Variants in ZNF567 observed in about 807,000 individuals in gnomAD.
ZNF567 encodes zinc finger protein 567.
In ZNF567, 36 loss-of-function variants were observed where a neutral mutation model predicts 53.9. The ratio of observed to expected loss-of-function variants is 0.67; its 90% CI spans 0.51 to 0.88. The LOEUF (loss-of-function observed/expected upper bound fraction) is 0.88, where lower values mean the gene tolerates loss of function less well. Ranked by LOEUF, ZNF567 falls within the 40% of genes least tolerant of loss-of-function variation. ZNF567 has a pLI of 0.00. For missense variants in ZNF567, 619 were observed against 764.7 expected, an observed-to-expected ratio of 0.81 and a Z score of 2.25; for synonymous variants, 224 against 260.4, an observed-to-expected ratio of 0.86 and a Z score of 1.35.
At chr19:36,673,069 T>TA in the ZNF567 span, among the ~76,000 whole-genome samples, 1 of 140,712 alleles carries the variant, frequency 7.1e-6, no homozygotes, top group African/African-American at 3.3e-5. Flanking sequence ...GACTTTATAT[T>TA]AGAGTATTTA....
At chr19:36,712,629 T>G in intron 4 of ZNF567, 117 bp downstream of exon 4, 1 of 1,470,690 alleles carries the variant, frequency 6.8e-7, no homozygotes, top group South Asian at 1.2e-5. Flanking sequence ...GTTAGCAGAA[T>G]GAATGATTGT....
downstream of ZNF567, among the ~76,000 whole-genome samples, chr19:36,722,932 TTAA>T (rs1414991569): frequency 2.7e-5 from 4 of 150,610 alleles, no homozygotes; most frequent in Non-Finnish European, 4.4e-5. Flanking sequence ...AAATTTAGCC[TTAA>T]TAATTTATAT....
chr19:36,720,680 T>A lies in ZNF567; in HGVS notation c.*12T>A, dbSNP rs2040271769. 2 of 1,511,574 alleles carry A rather than the reference T, an allele frequency of 1.3e-6. No individual in the cohort carries two copies. Among genetic ancestry groups the A allele is most frequent in the Non-Finnish European group, 1.8e-6 (2 of 1,132,832 alleles). 93.6% of individuals were successfully genotyped at this position (1,511,574 alleles called of 1,614,324 possible). On this transcript the variant is annotated 3_prime_UTR_variant, in exon 6 of 6. Transcript: ENST00000682579. ...TTGAAATGCAATAAATGATGTGGTT[T>A]CTTATATGAATTCTTTACAAGCTGT...
chr19:36,698,787 ATTTG>A (rs2039024467), intron 3 of ZNF567, among the ~76,000 whole-genome samples: 1 of 151,988 alleles, frequency 6.6e-6, no homozygotes, highest in Non-Finnish European at 1.5e-5. Flanking sequence ...TTTCTTGTAA[ATTTG>A]TTTGAGTTCA....
rs758156847 is a variant in ZNF567, at chr19:36,719,275, A to G, written c.551A>G (p.His184Arg). Reference protein sequence around the residue: ...QETTHPEVKSHNQSARAFSHN... With the variant: ...QETTHPEVKSRNQSARAFSHN... The stretch of plus-strand genomic sequence containing the variant: ...ACTACTCATCCTGAAGTCAAATCCC[A>G]TAATCAAAGTGCCAGAGCTTTCAGT... The change falls in exon 6 of 6, where the codon CAT becomes CGT. Residue 184 changes from histidine to arginine, a missense_variant. Transcript: ENST00000682579. 10 of 1,614,094 alleles carry G rather than the reference A, an allele frequency of 6.2e-6. No homozygotes were observed. In the Admixed American group the frequency reaches 6.7e-5, roughly 11 times the overall value.
chr19:36,717,011 T>C (rs1469266645), intron 5 of ZNF567, among the ~76,000 whole-genome samples: 1 of 152,018 alleles, frequency 6.6e-6, no homozygotes, highest in African/African-American at 2.4e-5. Flanking sequence ...GTATTTTTAG[T>C]AGGGACAGTT....
intron 3 of ZNF567, among the ~76,000 whole-genome samples, chr19:36,704,215 G>A (rs972886505): frequency 6.6e-6 from 1 of 152,140 alleles, no homozygotes; most frequent in Non-Finnish European, 1.5e-5. Flanking sequence ...CAGGGCAGGC[G>A]AATCACTTGA....
rs1273739919 is a variant in ZNF567 at position 36,720,376 on chromosome 19, A to G, written c.1652A>G (p.His551Arg). 6.2e-7 allele frequency: 1 copy of G among 1,614,108 alleles called. No homozygotes were observed. Among genetic ancestry groups the G allele is most frequent in the African/African-American group, 1.3e-5 (1 of 74,940 alleles). Reference sequence around the variant, plus strand: ...CGCCAGAAAGCAACCCTCACTGTACATCAGAAAATACATACCGGCCAGAAA... The same window carrying G: ...CGCCAGAAAGCAACCCTCACTGTACGTCAGAAAATACATACCGGCCAGAAA... Reference protein sequence around the residue: ...SFRQKATLTVHQKIHTGQKSY... With the variant: ...SFRQKATLTVRQKIHTGQKSY... The change falls in exon 6 of 6, where the codon CAT (histidine) becomes CGT (arginine). Residue 551 changes from histidine to arginine, a missense_variant. Coordinates refer to ENST00000682579, the MANE Select transcript of ZNF567 (RefSeq NM_001322917.1).
At position 36,720,343 on chromosome 19, in the gene ZNF567, A is replaced by T. The variant is rs1218862593; in HGVS notation, c.1619A>T (p.Lys540Met). The T allele has an allele frequency of 6.2e-7, 1 of 1,614,206 alleles. No homozygotes were observed. Among genetic ancestry groups the T allele is most frequent in the African/African-American group, 1.3e-5 (1 of 75,070 alleles). Residue 540 changes from lysine to methionine, a missense_variant, in exon 6 of 6, where the codon AAG (lysine) becomes ATG (methionine). Transcript: ENST00000682579. ...EKPYVCNECG[K>M]SFRQKATLTV... Reference sequence around the variant, plus strand: ...CCCTATGTTTGTAATGAATGTGGGAAGTCCTTTCGCCAGAAAGCAACCCTC... The same window carrying T: ...CCCTATGTTTGTAATGAATGTGGGATGTCCTTTCGCCAGAAAGCAACCCTC...
chr19:36,673,593 G>A, the ZNF567 span, among the ~76,000 whole-genome samples: 1 of 152,092 alleles, frequency 6.6e-6, no homozygotes, highest in African/African-American at 2.4e-5. Context: ...CAGCCTGCTG[G>A]CCTGCCTTGC....
chr19:36,705,769 T>C (rs28465595), intron 3 of ZNF567, among the ~76,000 whole-genome samples: 7,018 of 152,314 alleles, frequency 0.046, 463 homozygotes, highest in African/African-American at 0.14. Context: ...AGTTGAAATC[T>C]TCTATTATAA....
At chr19:36,723,254 T>G, downstream of ZNF567, 2 of 702,912 alleles carry the variant, frequency 2.8e-6, no homozygotes, top group Non-Finnish European at 5.2e-6. Flanking sequence ...GGGGAACATG[T>G]GAGTCACATT....
At chr19:36,726,262 CATT>C (rs2040334718), downstream of ZNF567, among the ~76,000 whole-genome samples, 1 of 152,158 alleles carries the variant, frequency 6.6e-6, no homozygotes, top group Admixed American at 6.5e-5. Context: ...ATTCTGACAT[CATT>C]GTCATTTTCA....
At chr19:36,706,969 T>G (rs1443493477) in intron 3 of ZNF567, among the ~76,000 whole-genome samples, 2 of 152,172 alleles carry the variant, frequency 1.3e-5, no homozygotes, top group Admixed American at 6.5e-5. Context: ...CTTTATACTT[T>G]TATTTACCTA....
At chr19:36,704,898 G>T (rs1172366726) in intron 3 of ZNF567, among the ~76,000 whole-genome samples, 2 of 152,166 alleles carry the variant, frequency 1.3e-5, no homozygotes, top group African/African-American at 4.8e-5. Context: ...GACTGTTCAG[G>T]TTATCAGTTT....
At chr19:36,679,895 A>C in the ZNF567 span, among the ~76,000 whole-genome samples, 1 of 152,176 alleles carries the variant, frequency 6.6e-6, no homozygotes, top group Non-Finnish European at 1.5e-5. Context: ...AGATAGGAAG[A>C]ATACATTCTG....
chr19:36,700,616 A>G (rs904924471), intron 3 of ZNF567, among the ~76,000 whole-genome samples: 2 of 152,238 alleles, frequency 1.3e-5, no homozygotes, highest in African/African-American at 4.8e-5. Flanking sequence ...TTATTGGTCT[A>G]TTCAGAGATT....
chr19:36,694,861 C>CA lies in ZNF567; in HGVS notation c.-3dup, dbSNP rs1446627450. On this transcript the variant is annotated 5_prime_UTR_variant, in exon 3 of 6. Transcript: ENST00000682579. Reference sequence around the variant, plus strand: ...AGGACTGGTCATCTCTTTCATATCTCAAAACCATGGCTCAGGTAAGGCGAT... The same window carrying CA: ...AGGACTGGTCATCTCTTTCATATCTCAAAAACCATGGCTCAGGTAAGGCGAT... The CA allele has an allele frequency of 3.9e-6, 6 of 1,522,466 alleles. No individual in the cohort carries two copies. Among genetic ancestry groups the CA allele is most frequent in the Non-Finnish European group, 5.3e-6 (6 of 1,142,358 alleles). The allele number at this position is 1,522,466 out of a possible 1,614,324, so 94.3% of individuals were successfully genotyped here. A position where few individuals can be genotyped will look rare whatever the true frequency, so the allele number is the denominator to read the frequency against.
upstream of ZNF567, among the ~76,000 whole-genome samples, chr19:36,683,058 C>T (rs969600673): frequency 6.6e-6 from 1 of 151,694 alleles, no homozygotes; most frequent in Non-Finnish European, 1.5e-5. Context: ...GTCTTTCCCT[C>T]GATTTTAAGA....
Sources: allele counts gnomAD v4.1 joint callset (sites outside exome capture counted in the v4.1 genomes callset), GRCh38; gene constraint gnomAD v4.1.1; transcripts MANE v1.5; gene names NCBI Gene and HGNC (gene_info 2026-07-23, HGNC 2026-07-21).